The following MALRD1 variants were observed in gnomAD, a reference collection of about 807,000 sequenced individuals.
MALRD1 encodes the protein MAM and LDL receptor class A domain containing 1.
MALRD1 carries 247 observed loss-of-function variants against 242.1 expected under a neutral mutation model. The observed-to-expected ratio is 1.02, with a 90% CI of 0.92 to 1.13. The LOEUF is 1.13. Among genes scored for constraint, MALRD1 ranks in the 50% most tolerant of loss-of-function variants. The probability of loss-of-function intolerance (pLI) is 0.00; values close to 1 mark genes in which losing one functional copy is unlikely to be tolerated. For synonymous variants in MALRD1, 995 were observed against 866.6 expected (o/e 1.15, Z -2.60); for missense variants, 2,989 against 2,533.1 (o/e 1.18, Z -3.86).
chr10:19,246,340 T>G (rs1839042411), intron 18 of MALRD1, among the ~76,000 whole-genome samples: 1 of 152,164 alleles, frequency 6.6e-6, no homozygotes, highest in Admixed American at 6.6e-5. Flanking sequence ...TTATGGTTAC[T>G]TTCTGGGGAT....
intron 14 of MALRD1, among the ~76,000 whole-genome samples, chr10:19,186,474 T>C (rs1835742192): frequency 6.6e-6 from 1 of 152,216 alleles, no homozygotes; most frequent in Non-Finnish European, 1.5e-5. Flanking sequence ...TTTTGATCAG[T>C]CTTTGCTGCA....
intron 5 of MALRD1, among the ~76,000 whole-genome samples, chr10:19,120,529 C>T (rs1411964853): frequency 6.6e-6 from 1 of 152,134 alleles, no homozygotes; most frequent in Non-Finnish European, 1.5e-5. Flanking sequence ...AGGAACCAAG[C>T]ACAAAGGCTA....
At chr10:19,287,872 G>A (rs1455832374) in intron 21 of MALRD1, among the ~76,000 whole-genome samples, 2 of 152,030 alleles carry the variant, frequency 1.3e-5, no homozygotes, top group Non-Finnish European at 2.9e-5. Flanking sequence ...TGTTTATAGG[G>A]AGCAGAATCT....
Position 19,048,841 on chromosome 10 carries a change from G to A in MALRD1, c.-98G>A. ...TACCAATAGTATCCAGTTATAAGAAGCAAATCTGGGAAAGGAAGAATAGAG... is the reference window on the plus strand; with the variant it reads ...TACCAATAGTATCCAGTTATAAGAAACAAATCTGGGAAAGGAAGAATAGAG... On this transcript the variant is annotated 5_prime_UTR_variant, in exon 1 of 40. Transcript: ENST00000454679. 1.0e-6 allele frequency: 1 copy of A among 966,296 alleles called. No individual in the cohort carries two copies. The highest frequency in any genetic ancestry group is 1.3e-6 in the Non-Finnish European group (1 of 745,254). The allele number at this position is 966,296 out of a possible 1,614,324, so 59.9% of individuals were successfully genotyped here.
At chr10:19,371,612 T>A (rs1419316068) in intron 26 of MALRD1, among the ~76,000 whole-genome samples, 1 of 152,222 alleles carries the variant, frequency 6.6e-6, no homozygotes, top group Non-Finnish European at 1.5e-5. Flanking sequence ...GAATCTATTA[T>A]CCCTTCTATA....
intron 18 of MALRD1, among the ~76,000 whole-genome samples, chr10:19,251,235 T>A (rs893463252): frequency 1.3e-5 from 2 of 152,078 alleles, no homozygotes; most frequent in African/African-American, 4.8e-5. Flanking sequence ...GTGCCCTGTT[T>A]GGAGATAATT....
At chr10:19,480,844 T>TG (rs888356487) in intron 29 of MALRD1, among the ~76,000 whole-genome samples, 1 of 152,020 alleles carries the variant, frequency 6.6e-6, no homozygotes, top group Non-Finnish European at 1.5e-5. Context: ...TTTTGGCGGT[T>TG]GGGGGGGATT....
At chr10:19,434,748 G>C (rs1438559344) in intron 28 of MALRD1, among the ~76,000 whole-genome samples, 1 of 151,900 alleles carries the variant, frequency 6.6e-6, no homozygotes, top group Non-Finnish European at 1.5e-5. Flanking sequence ...TGAGGCAAAA[G>C]ATAAATCTGG....
chr10:19,250,736 G>C (rs544307848), intron 18 of MALRD1, among the ~76,000 whole-genome samples: 43 of 151,954 alleles, frequency 2.8e-4, no homozygotes, highest in African/African-American at 9.2e-4. Flanking sequence ...TGAGTACTTA[G>C]AGATGATGTG....
At chr10:19,261,560 C>T (rs1159894269) in intron 19 of MALRD1, among the ~76,000 whole-genome samples, 1 of 150,902 alleles carries the variant, frequency 6.6e-6, no homozygotes, top group Non-Finnish European at 1.5e-5. Context: ...CATTGATTTC[C>T]TTTTAATATT....
intron 26 of MALRD1, among the ~76,000 whole-genome samples, chr10:19,353,371 AATTAT>A (rs1844482680): frequency 6.6e-6 from 1 of 152,172 alleles, no homozygotes; most frequent in Non-Finnish European, 1.5e-5. Context: ...TTGATATTTA[AATTAT>A]ATTTATTATA....
intron 18 of MALRD1, among the ~76,000 whole-genome samples, chr10:19,221,438 T>C (rs1837551538): frequency 6.6e-6 from 1 of 152,190 alleles, no homozygotes; most frequent in Non-Finnish European, 1.5e-5. Flanking sequence ...ACACTCAGAT[T>C]TGTTGCATAC....
chr10:19,434,136 C>G (rs2483091), intron 28 of MALRD1, among the ~76,000 whole-genome samples: 84,709 of 151,894 alleles, frequency 0.56, 24,748 homozygotes, highest in Middle Eastern at 0.68. Context: ...TCACATATTG[C>G]CCCAAATCTT....
Position 19,382,539 on chromosome 10 carries a change from A to G in MALRD1, c.4442-4989A>G, listed in dbSNP as rs141135419. 3.7e-3 allele frequency among the ~76,000 whole-genome samples: 571 copies of G among 152,296 alleles called. 2 individuals carry two copies. Among genetic ancestry groups the G allele is most frequent in the African/African-American group, 0.013 (541 of 41,572 alleles). ...TAATTTTAGTAACTCTGTGATTTTT[A>G]TAATAGAAGTTTTATTTTTCATGTT... On this transcript the variant is annotated intron_variant, in intron 26 of 39. Coordinates refer to ENST00000454679, the MANE Select transcript of MALRD1 (RefSeq NM_001142308.3).
chr10:19,402,027 C>T (rs1187957209), intron 28 of MALRD1, among the ~76,000 whole-genome samples: 4 of 152,148 alleles, frequency 2.6e-5, no homozygotes, highest in African/African-American at 4.8e-5. Context: ...CCAAAAACTA[C>T]GTGATATCTA....
Position 19,110,782 on chromosome 10 carries a change from A to G in MALRD1, c.694+6707A>G, listed in dbSNP as rs183641943. 1.8e-3 allele frequency among the ~76,000 whole-genome samples: 267 copies of G among 152,212 alleles called. 2 individuals are homozygous for G. The highest frequency in any genetic ancestry group is 4.5e-3 in the Admixed American group (68 of 15,280). ...CAATGTCTTTATATATCTCAATTTT[A>G]TAGTTTCTGCAGAGGTCAGGGTCTG... On this transcript the variant is annotated intron_variant, in intron 5 of 39. Coordinates refer to ENST00000454679, the MANE Select transcript of MALRD1 (RefSeq NM_001142308.3).
At chr10:19,121,781 T>C (rs1463064025) in intron 5 of MALRD1, among the ~76,000 whole-genome samples, 1 of 152,184 alleles carries the variant, frequency 6.6e-6, no homozygotes, top group Non-Finnish European at 1.5e-5. Context: ...TGATGGGACT[T>C]GTAAAGTTTT....
intron 32 of MALRD1, among the ~76,000 whole-genome samples, chr10:19,534,231 A>T (rs1184207359): frequency 6.6e-6 from 1 of 152,204 alleles, no homozygotes; most frequent in Non-Finnish European, 1.5e-5. Flanking sequence ...GCCTTACATC[A>T]CTGATGGATC....
At chr10:19,691,800 A>G (rs1842831767) in intron 36 of MALRD1, among the ~76,000 whole-genome samples, 1 of 152,152 alleles carries the variant, frequency 6.6e-6, no homozygotes, top group African/African-American at 2.4e-5. Flanking sequence ...TTCCAAATCT[A>G]AACACTTGAA....
Sources: allele counts gnomAD v4.1 joint callset (sites outside exome capture counted in the v4.1 genomes callset), GRCh38; gene constraint gnomAD v4.1.1; transcripts MANE v1.5; gene names NCBI Gene and HGNC (gene_info 2026-07-23, HGNC 2026-07-21).